The following GPA33 variants were observed in gnomAD, a reference collection of about 807,000 sequenced individuals.
GPA33 encodes the protein glycoprotein A33.
In GPA33, 27 loss-of-function variants were observed where a neutral mutation model predicts 35.6. The observed-to-expected ratio is 0.76, with a 90% CI of 0.56 to 1.04. The LOEUF is 1.04. Ranked by LOEUF, GPA33 falls within the 50% of genes least tolerant of loss-of-function variation. The pLI, the probability that GPA33 is intolerant of heterozygous loss-of-function variation, is 0.00. For synonymous variants in GPA33, 176 were observed against 164.0 expected (o/e 1.07, Z -0.56); for missense variants, 428 against 411.9 (o/e 1.04, Z -0.34).
chr1:167,063,642 G>A lies in GPA33; in HGVS notation c.511C>T (p.Pro171Ser). 2 of 1,613,764 alleles carry A rather than the reference G, an allele frequency of 1.2e-6. No individual in the cohort carries two copies. Among genetic ancestry groups the A allele is most frequent in the Non-Finnish European group, 1.7e-6 (2 of 1,179,984 alleles). The change falls in exon 4 of 7, where the codon CCT becomes TCT. Residue 171 changes from proline (P) to serine (S), a missense_variant. Physicochemically the swap from Pro to Ser is moderately conservative, Grantham distance 74 (BLOSUM62 -1). Transcript: ENST00000367868. Reference protein sequence around the residue: ...TCQSKEGSPTPQYSWKRYNIL... With the variant: ...TCQSKEGSPTSQYSWKRYNIL... ...TTGTACCTCTTCCAGCTGTACTGAGGGGTTGGTGAGCCCTCCTTTGATTGG... is the reference window on the plus strand; with the variant it reads ...TTGTACCTCTTCCAGCTGTACTGAGAGGTTGGTGAGCCCTCCTTTGATTGG...
chr1:167,063,149 C>T (rs571696911), intron 4 of GPA33, among the ~76,000 whole-genome samples: 5 of 152,270 alleles, frequency 3.3e-5, no homozygotes, highest in East Asian at 1.9e-4. Flanking sequence ...CAGTGCTGGC[C>T]GGGCGCGATG....
intron 4 of GPA33, among the ~76,000 whole-genome samples, chr1:167,056,689 G>GTGATGCAT (rs1417438857): frequency 8.4e-6 from 1 of 118,406 alleles, no homozygotes; most frequent in Non-Finnish European, 1.9e-5. Flanking sequence ...TCTGGTGTGT[G>GTGATGCAT]GTGGGTGTGT....
rs370179559 is a variant in GPA33, at chr1:167,069,169, C to A, written c.199-31G>T. On this transcript the variant is annotated intron_variant, in intron 2 of 6. Coordinates refer to ENST00000367868, the MANE Select transcript of GPA33 (RefSeq NM_005814.3). Reference sequence around the variant, plus strand: ...GAGAGAAGAAATGGCACCAGGTCTTCACCCAAAGGCCCTTGCCTGGTGCTT... The same window carrying A: ...GAGAGAAGAAATGGCACCAGGTCTTAACCCAAAGGCCCTTGCCTGGTGCTT... The A allele has an allele frequency of 9.0e-4, 1,348 of 1,493,658 alleles. 15 individuals carry two copies. In the South Asian group the frequency reaches 0.014, roughly 16 times the overall value. The allele number at this position is 1,493,658 out of a possible 1,614,324, so 92.5% of individuals were successfully genotyped here.
At chr1:167,068,002 T>C (rs1242848796) in intron 3 of GPA33, among the ~76,000 whole-genome samples, 1 of 152,144 alleles carries the variant, frequency 6.6e-6, no homozygotes, top group African/African-American at 2.4e-5. Context: ...GTTTGCATAG[T>C]TGTATAGTTG....
At chr1:167,074,254 T>C (rs1409447433) in intron 1 of GPA33, among the ~76,000 whole-genome samples, 1 of 151,756 alleles carries the variant, frequency 6.6e-6, no homozygotes, top group Non-Finnish European at 1.5e-5. Flanking sequence ...GTGACTCCAG[T>C]GTAAGGGATG....
intron 4 of GPA33, among the ~76,000 whole-genome samples, chr1:167,062,292 T>C (rs1666473690): frequency 6.6e-6 from 1 of 152,116 alleles, no homozygotes; most frequent in South Asian, 2.1e-4. Context: ...CATGGCTCAC[T>C]GCAGCCTCGA....
chr1:167,068,956 G>A lies in GPA33; in HGVS notation c.381C>T (p.Gly127=), dbSNP rs1282462115. 1.9e-6 allele frequency: 3 copies of A among 1,613,292 alleles called. No homozygotes were observed. The change falls in exon 3 of 7, where the codon GGC becomes GGT. Residue 127 remains glycine, a synonymous_variant. Coordinates refer to ENST00000367868, the MANE Select transcript of GPA33 (RefSeq NM_005814.3). Reference sequence around the variant, plus strand: ...ACAGGCGGACACGTGACTTGGTGTTGCCCTCCAGGTCTGACATCAGCGAGA... The same window carrying A: ...ACAGGCGGACACGTGACTTGGTGTTACCCTCCAGGTCTGACATCAGCGAGA... The part of the protein sequence containing the change: ...CSVSLMSDLE[G]NTKSRVRLLV...
At chr1:167,077,773 C>T (rs891930463) in intron 1 of GPA33, among the ~76,000 whole-genome samples, 2 of 152,176 alleles carry the variant, frequency 1.3e-5, no homozygotes, top group South Asian at 4.1e-4. Flanking sequence ...TCTCAATTCC[C>T]TGTTAATCTC....
At chr1:167,066,663 A>G (rs1340704504) in intron 3 of GPA33, among the ~76,000 whole-genome samples, 1 of 152,226 alleles carries the variant, frequency 6.6e-6, no homozygotes, top group Non-Finnish European at 1.5e-5. Context: ...GACTCGGTAT[A>G]TTATCAGTCT....
chr1:167,077,257 A>C (rs1345482045), intron 1 of GPA33, among the ~76,000 whole-genome samples: 3 of 151,766 alleles, frequency 2.0e-5, no homozygotes, highest in Non-Finnish European at 2.9e-5. Flanking sequence ...CTAACAAGTC[A>C]CCCTTCATCA....
chr1:167,055,705 C>A (rs1446204846), intron 5 of GPA33, 25 bp downstream of exon 5: 1 of 1,612,442 alleles, frequency 6.2e-7, no homozygotes. Context: ...CGTTTGTCAG[C>A]CCTCCCCCCG....
At chr1:167,057,289 C>G (rs1262663808) in intron 4 of GPA33, among the ~76,000 whole-genome samples, 1 of 152,082 alleles carries the variant, frequency 6.6e-6, no homozygotes, top group Non-Finnish European at 1.5e-5. Flanking sequence ...ATCTTGAAAG[C>G]AAGAGCTTTG....
At chr1:167,055,178 G>C in intron 5 of GPA33, 67 bp from the exon 6 acceptor site, 1 of 1,542,070 alleles carries the variant, frequency 6.5e-7, no homozygotes, top group Non-Finnish European at 8.9e-7. Context: ...CTCCCAGCCA[G>C]GGGAGCAGCA....
In GPA33 at chr1:167,081,311, G is replaced by C. The variant is rs563067948; in HGVS notation, c.44-7772C>G. 5.9e-5 allele frequency among the ~76,000 whole-genome samples: 9 copies of C among 152,304 alleles called. No homozygotes were observed. In the South Asian group the frequency reaches 1.7e-3, roughly 28 times the overall value. On this transcript the variant is annotated intron_variant, in intron 1 of 6. Coordinates refer to ENST00000367868, the MANE Select transcript of GPA33 (RefSeq NM_005814.3). ...AGAGAAACCACGTTCTTAGGGAGGA[G>C]ATTCTGGAGGCCAGAAAGGACCCAG...
In GPA33 at chr1:167,073,289, C is replaced by T. The variant is rs145376107; in HGVS notation, c.198+96G>A. The T allele has an allele frequency of 1.1e-5, 12 of 1,055,856 alleles. No individual in the cohort carries two copies. The African/African-American group carries it at 1.4e-4, about 12-fold the overall frequency. The allele number at this position is 1,055,856 out of a possible 1,614,324, so 65.4% of individuals were successfully genotyped here. A position where few individuals can be genotyped will look rare whatever the true frequency, so the allele number is the denominator to read the frequency against. On this transcript the variant is annotated intron_variant, in intron 2 of 6. Coordinates refer to ENST00000367868, the MANE Select transcript of GPA33 (RefSeq NM_005814.3). Reference sequence around the variant, plus strand: ...AGCCTGGGTGCTAGTGTTTATTCTACCATTTATGGAAAGACTTCATAGTGC... The same window carrying T: ...AGCCTGGGTGCTAGTGTTTATTCTATCATTTATGGAAAGACTTCATAGTGC...
intron 1 of GPA33, among the ~76,000 whole-genome samples, chr1:167,088,683 G>C (rs994077616): frequency 6.6e-6 from 1 of 152,172 alleles, no homozygotes; most frequent in Admixed American, 6.5e-5. Context: ...CCTCCAAGCT[G>C]GGTGAGCATC....
intron 4 of GPA33, among the ~76,000 whole-genome samples, chr1:167,056,761 G>A (rs1666300701): frequency 1.4e-5 from 2 of 147,844 alleles, no homozygotes; most frequent in East Asian, 2.0e-4. Context: ...TGTATGGCGT[G>A]TGTGTGGTGT....
chr1:167,082,601 C>T (rs1666972624), intron 1 of GPA33, among the ~76,000 whole-genome samples: 1 of 152,102 alleles, frequency 6.6e-6, no homozygotes, highest in Admixed American at 6.5e-5. Flanking sequence ...GGGAGGGGAC[C>T]CGAGAGGAGG....
At chr1:167,080,860 C>A (rs1185244054) in intron 1 of GPA33, among the ~76,000 whole-genome samples, 5 of 152,120 alleles carry the variant, frequency 3.3e-5, no homozygotes, top group African/African-American at 2.4e-5. Context: ...TTTTTGACAG[C>A]AAATGAATGA....
Sources: allele counts gnomAD v4.1 joint callset (sites outside exome capture counted in the v4.1 genomes callset), GRCh38; gene constraint gnomAD v4.1.1; transcripts MANE v1.5; gene names NCBI Gene and HGNC (gene_info 2026-07-23, HGNC 2026-07-21).